Variants in TBC1D22B observed in about 807,000 individuals in gnomAD.
TBC1D22B encodes TBC1 domain family member 22B.
Under a neutral mutation model 69.1 loss-of-function variants are expected in TBC1D22B, and 32 were observed. The observed-to-expected ratio is 0.46, with a 90% confidence interval of 0.35 to 0.62. The LOEUF is 0.62. Ranked by LOEUF, TBC1D22B falls within the 20% of genes least tolerant of loss-of-function variation. The probability of loss-of-function intolerance (pLI) is 0.00; values close to 1 mark genes in which losing one functional copy is unlikely to be tolerated. For synonymous variants in TBC1D22B, 206 were observed against 229.8 expected, an observed-to-expected ratio of 0.90 and a Z score of 0.94; for missense variants, 462 against 630.9, an observed-to-expected ratio of 0.73 and a Z score of 2.87.
intron 9 of TBC1D22B, 25 bp downstream of exon 9, chr6:37,313,049 A>T (rs1056889290): frequency 6.3e-7 from 1 of 1,594,106 alleles, no homozygotes. Flanking sequence ...CCCTTGTGGG[A>T]ACAAACGTCT....
At chr6:37,258,262 T>C (rs978519757) in intron 1 of TBC1D22B, 1 of 428,486 alleles carries the variant, frequency 2.3e-6, no homozygotes, top group Non-Finnish European at 4.2e-6. Context: ...GTTGGGTGAA[T>C]AGTCAGTGTC....
Position 37,295,573 on chromosome 6 carries a change from A to G in TBC1D22B, c.982+4216A>G, listed in dbSNP as rs374927311. Reference sequence around the variant, plus strand: ...TGTCTTCTGAGTCTCCGTTTCCTCCACTGATATTCATCCAAATAATAAGAG... The same window carrying G: ...TGTCTTCTGAGTCTCCGTTTCCTCCGCTGATATTCATCCAAATAATAAGAG... On this transcript the variant is annotated intron_variant, in intron 8 of 12. Coordinates refer to ENST00000373491, the MANE Select transcript of TBC1D22B (RefSeq NM_017772.4). 7.8e-5 allele frequency: 33 copies of G among 421,424 alleles called. No individual in the cohort carries two copies. In the East Asian group the frequency reaches 1.4e-3, roughly 18 times the overall value. 26.1% of individuals were successfully genotyped at this position (421,424 alleles called of 1,614,324 possible).
chr6:37,304,015 A>G (rs1045282222), intron 8 of TBC1D22B, among the ~76,000 whole-genome samples: 3 of 152,224 alleles, frequency 2.0e-5, no homozygotes, highest in African/African-American at 4.8e-5. Context: ...GGCATTCCAC[A>G]CATGTCCAGA....
intron 8 of TBC1D22B, among the ~76,000 whole-genome samples, chr6:37,304,979 C>A (rs1767666216): frequency 6.6e-6 from 1 of 152,220 alleles, no homozygotes; most frequent in South Asian, 2.1e-4. Flanking sequence ...CGCCTTCACA[C>A]TGAGGAGATG....
Position 37,257,834 on chromosome 6 carries a change from G to A in TBC1D22B, c.-84G>A, listed in dbSNP as rs1425205699. On this transcript the variant is annotated 5_prime_UTR_variant, in exon 1 of 13. Coordinates refer to ENST00000373491, the MANE Select transcript of TBC1D22B (RefSeq NM_017772.4). ...GACCGGCGGCGGGGAAGCGGCCTGG[G>A]TTGGCCCTCAGATTGCGGGGTCTGG... 2 of 1,501,874 alleles carry A rather than the reference G, an allele frequency of 1.3e-6. No homozygotes were observed. Among genetic ancestry groups the A allele is most frequent in the Non-Finnish European group, 1.8e-6 (2 of 1,104,150 alleles). 93.0% of individuals were successfully genotyped at this position (1,501,874 alleles called of 1,614,324 possible).
At position 37,257,858 on chromosome 6, in the gene TBC1D22B, G is replaced by A. The variant is rs1262019343; in HGVS notation, c.-60G>A. 6.3e-7 allele frequency: 1 copy of A among 1,578,872 alleles called. No individual in the cohort carries two copies. Among genetic ancestry groups the A allele is most frequent in the Non-Finnish European group, 8.6e-7 (1 of 1,159,148 alleles). On this transcript the variant is annotated 5_prime_UTR_variant, in exon 1 of 13. Transcript: ENST00000373491. ...GGTTGGCCCTCAGATTGCGGGGTCTGGGGGCATCTCGCCGGGCAAACCCTT... is the reference window on the plus strand; with the variant it reads ...GGTTGGCCCTCAGATTGCGGGGTCTAGGGGCATCTCGCCGGGCAAACCCTT...
At chr6:37,324,161 A>G (rs1581636063) in intron 12 of TBC1D22B, 2 of 381,944 alleles carry the variant, frequency 5.2e-6, no homozygotes, top group East Asian at 1.5e-4. Flanking sequence ...AGAAAGTTCC[A>G]GTACTGCAAA....
intron 12 of TBC1D22B, chr6:37,324,226 G>A (rs1188787584): frequency 4.5e-6 from 2 of 443,424 alleles, no homozygotes. Flanking sequence ...TTCTTTTGTT[G>A]CTCATCATTA....
At chr6:37,265,577 T>C (rs1307280938) in intron 1 of TBC1D22B, among the ~76,000 whole-genome samples, 1 of 151,938 alleles carries the variant, frequency 6.6e-6, no homozygotes, top group Non-Finnish European at 1.5e-5. Context: ...TAACACCCCC[T>C]TCCTCTCTCA....
intron 7 of TBC1D22B, among the ~76,000 whole-genome samples, chr6:37,290,264 C>A (rs1767134005): frequency 6.6e-6 from 1 of 152,158 alleles, no homozygotes; most frequent in African/African-American, 2.4e-5. Flanking sequence ...CCTACCCTAT[C>A]ATCTGCATGT....
intron 10 of TBC1D22B, among the ~76,000 whole-genome samples, chr6:37,314,126 G>A (rs1768006464): frequency 1.3e-5 from 2 of 152,110 alleles, no homozygotes; most frequent in South Asian, 2.1e-4. Context: ...AGGCTCTATC[G>A]GTTCTCCTTC....
At chr6:37,316,096 A>G (rs948758644) in intron 10 of TBC1D22B, among the ~76,000 whole-genome samples, 1 of 152,230 alleles carries the variant, frequency 6.6e-6, no homozygotes, top group Admixed American at 6.5e-5. Context: ...TGGAACAGCA[A>G]TCAGGTTTGT....
intron 7 of TBC1D22B, 25 bp from the exon 8 acceptor site, chr6:37,291,218 G>C: frequency 6.6e-7 from 1 of 1,508,090 alleles, no homozygotes; most frequent in Non-Finnish European, 9.2e-7. Flanking sequence ...TTTAACACTC[G>C]TGTCTTTCTT....
At chr6:37,316,461 G>A (rs1768080940) in intron 10 of TBC1D22B, among the ~76,000 whole-genome samples, 1 of 152,192 alleles carries the variant, frequency 6.6e-6, no homozygotes, top group African/African-American at 2.4e-5. Context: ...AGGAAGCGGG[G>A]CTCCTAGAAC....
At chr6:37,273,498 A>G (rs2113726829) in intron 2 of TBC1D22B, among the ~76,000 whole-genome samples, 1 of 152,358 alleles carries the variant, frequency 6.6e-6, no homozygotes, top group East Asian at 1.9e-4. Context: ...TGTATTTAGG[A>G]CAGATCTTCA....
rs527581096 is a variant in TBC1D22B, at chr6:37,328,270, G to A, written c.1390-2774G>A. Among the ~76,000 whole-genome samples, 360 of 152,166 alleles carry A rather than the reference G, an allele frequency of 2.4e-3. 3 individuals are homozygous for A. The highest frequency in any genetic ancestry group is 3.3e-3 in the African/African-American group (138 of 41,524). On this transcript the variant is annotated intron_variant, in intron 12 of 12. Transcript: ENST00000373491. ...CGGTGAACTGAGATTGTGCCACTGC[G>A]TTCCAGCCTGGGCAATAGAGCAAGA...
rs1055559597 is a variant in TBC1D22B at position 37,331,413 on chromosome 6, G to A, written c.*241G>A. On this transcript the variant is annotated 3_prime_UTR_variant, in exon 13 of 13. Transcript: ENST00000373491. ...CCAGTTCTGGGAGAGGACAGAAAAG[G>A]TGGTACAGGGTTGTCTGCCCCTTTA... 9.1e-6 allele frequency: 4 copies of A among 441,330 alleles called. No homozygotes were observed. Among genetic ancestry groups the A allele is most frequent in the Non-Finnish European group, 1.7e-5 (4 of 242,146 alleles). The allele number at this position is 441,330 out of a possible 1,614,324, so 27.3% of individuals were successfully genotyped here.
intron 1 of TBC1D22B, among the ~76,000 whole-genome samples, chr6:37,265,455 G>A (rs917961363): frequency 1.3e-5 from 2 of 151,966 alleles, no homozygotes; most frequent in African/African-American, 4.8e-5. Context: ...TTGTGAGGAG[G>A]GCTTGTGGGC....
In TBC1D22B at chr6:37,282,289, C is replaced by T. The variant is rs1234026389; in HGVS notation, c.526C>T (p.Pro176Ser). ...CTCGGATCAGAACGCTTCTGGGGCC[C>T]CCCCAATGACTGTCCGGGAGAAAAC... ...RISDQNASGA[P>S]PMTVREKTRL... The change falls in exon 4 of 13, where the codon CCC becomes TCC. Residue 176 changes from proline to serine, a missense_variant. Coordinates refer to ENST00000373491, the MANE Select transcript of TBC1D22B (RefSeq NM_017772.4). The T allele has an allele frequency of 6.8e-6, 11 of 1,614,146 alleles. No homozygotes were observed. Among genetic ancestry groups the T allele is most frequent in the Middle Eastern group, 1.6e-4 (1 of 6,062 alleles).
Sources: gnomAD v4.1 joint callset for allele counts (sites outside exome capture counted in the v4.1 genomes callset) on GRCh38, gnomAD v4.1.1 for gene constraint, MANE v1.5 for transcripts, NCBI Gene and HGNC (gene_info 2026-07-23, HGNC 2026-07-21) for gene names.